The following ATP13A4 variants were observed in gnomAD, a reference collection of about 807,000 sequenced individuals.
The protein encoded by ATP13A4 is ATPase 13A4, also known as probable cation-transporting ATPase 13A4.
Under a neutral mutation model 142.5 loss-of-function variants are expected in ATP13A4, and 114 were observed. That is an observed-to-expected ratio of 0.80 (90% CI 0.69 to 0.93). ATP13A4 has a LOEUF of 0.93. Among genes scored for constraint, ATP13A4 ranks in the 40% least tolerant of loss-of-function variants. The pLI, the probability that ATP13A4 is intolerant of heterozygous loss-of-function variation, is 0.00. For synonymous variants in ATP13A4, 488 were observed against 514.8 expected, an observed-to-expected ratio of 0.95 and a Z score of 0.70; for missense variants, 1,392 against 1,454.0, an observed-to-expected ratio of 0.96 and a Z score of 0.69.
At chr3:193,464,569 T>G (rs1028827611) in intron 12 of ATP13A4, among the ~76,000 whole-genome samples, 1 of 152,212 alleles carries the variant, frequency 6.6e-6, no homozygotes, top group Non-Finnish European at 1.5e-5. Flanking sequence ...TATTGCACAC[T>G]AACTATATGC....
intron 3 of ATP13A4, among the ~76,000 whole-genome samples, chr3:193,495,379 G>A (rs546325591): frequency 6.6e-6 from 1 of 152,188 alleles, no homozygotes; most frequent in Non-Finnish European, 1.5e-5. Flanking sequence ...ACATTAAAAA[G>A]ATCATTCACC....
chr3:193,414,331 T>C (rs1324148481), intron 26 of ATP13A4, among the ~76,000 whole-genome samples: 2 of 152,196 alleles, frequency 1.3e-5, no homozygotes, highest in African/African-American at 4.8e-5. Context: ...TCACCCTAGA[T>C]ATCAAAGATG....
chr3:193,590,252 G>A (rs894916605), intron 1 of ATP13A4, among the ~76,000 whole-genome samples: 2 of 152,210 alleles, frequency 1.3e-5, no homozygotes, highest in African/African-American at 4.8e-5. Flanking sequence ...GGGAATGGAT[G>A]CTGCTGATTG....
Position 193,568,527 on chromosome 3 carries a change from T to G in ATP13A4, n.291+13180A>C, listed in dbSNP as rs572033049. Among the ~76,000 whole-genome samples the G allele has an allele frequency of 9.8e-5, 15 of 152,342 alleles. No homozygotes were observed. The South Asian group carries it at 2.9e-3, about 29-fold the overall frequency. ...AGAGCATGTGCGAGGCTGTGAAGGTTGTTCACCTACAAAATAGGACTAATA... is the reference window on the plus strand; with the variant it reads ...AGAGCATGTGCGAGGCTGTGAAGGTGGTTCACCTACAAAATAGGACTAATA... On this transcript the variant is annotated intron_variant and non_coding_transcript_variant, in intron 2 of 3. Coordinates refer to the ATP13A4 transcript ENST00000489140.
At chr3:193,532,230 T>C (rs1224805289) in intron 1 of ATP13A4, among the ~76,000 whole-genome samples, 1 of 151,968 alleles carries the variant, frequency 6.6e-6, no homozygotes, top group African/African-American at 2.4e-5. Flanking sequence ...ATGCTTCTTC[T>C]TTCAAATAGC....
intron 21 of ATP13A4, among the ~76,000 whole-genome samples, chr3:193,439,807 C>T (rs1172297693): frequency 2.0e-5 from 3 of 152,168 alleles, no homozygotes; most frequent in Non-Finnish European, 2.9e-5. Flanking sequence ...AACTCGTTGA[C>T]TCTCTAGGTT....
chr3:193,548,290 A>G (rs560220312), intron 1 of ATP13A4, among the ~76,000 whole-genome samples: 1 of 152,316 alleles, frequency 6.6e-6, no homozygotes, highest in African/African-American at 2.4e-5. Context: ...CAATTACGCT[A>G]TCATGCCCGG....
chr3:193,471,090 A>C, intron 8 of ATP13A4, 97 bp from the exon 9 acceptor site: 1 of 1,541,150 alleles, frequency 6.5e-7, no homozygotes, highest in Non-Finnish European at 9.0e-7. Context: ...AAAGCAACCA[A>C]GACATTTTTT....
At chr3:193,572,038 G>A (rs891813914) in intron 2 of ATP13A4, among the ~76,000 whole-genome samples, 2 of 152,086 alleles carry the variant, frequency 1.3e-5, no homozygotes, top group African/African-American at 4.8e-5. Context: ...CTTGGGCCAG[G>A]AGTTCAAGAC....
chr3:193,548,671 G>A (rs1408778582), intron 1 of ATP13A4, among the ~76,000 whole-genome samples: 1 of 152,106 alleles, frequency 6.6e-6, no homozygotes, highest in African/African-American at 2.4e-5. Flanking sequence ...TTTGCTCCCG[G>A]GTGTTAGAGA....
chr3:193,483,800 T>C (rs1719445702), intron 8 of ATP13A4, 136 bp downstream of exon 8: 1 of 827,734 alleles, frequency 1.2e-6, no homozygotes, highest in African/African-American at 1.7e-5. Flanking sequence ...AAACTTAAGT[T>C]CCTCATCCCT....
chr3:193,517,568 C>T (rs1029885362), intron 1 of ATP13A4, among the ~76,000 whole-genome samples: 1 of 152,210 alleles, frequency 6.6e-6, no homozygotes, highest in Non-Finnish European at 1.5e-5. Flanking sequence ...GCAAGCTCCG[C>T]CTCCCGGGTT....
At chr3:193,545,991 G>T (rs995801800) in intron 1 of ATP13A4, among the ~76,000 whole-genome samples, 10 of 56,710 alleles carry the variant, frequency 1.8e-4, no homozygotes, top group African/African-American at 5.0e-4. Context: ...GTGTGTGTGT[G>T]TGTGTGTGTG....
chr3:193,582,971 T>C (rs1577090309), intron 1 of ATP13A4, among the ~76,000 whole-genome samples: 1 of 83,784 alleles, frequency 1.2e-5, no homozygotes. Context: ...ATATAAAATA[T>C]ATATATGTAT....
At chr3:193,565,971 C>G (rs548243820) in intron 2 of ATP13A4, among the ~76,000 whole-genome samples, 22 of 152,256 alleles carry the variant, frequency 1.4e-4, no homozygotes, top group Admixed American at 3.3e-4. Context: ...TTCTGCTCAG[C>G]ACAGAGTTAA....
chr3:193,491,894 T>C (rs932774097), intron 5 of ATP13A4, among the ~76,000 whole-genome samples: 2 of 152,210 alleles, frequency 1.3e-5, no homozygotes, highest in Non-Finnish European at 2.9e-5. Flanking sequence ...CAAAAATAGC[T>C]CTACACACAT....
chr3:193,451,375 T>A (rs1448867301), intron 17 of ATP13A4, among the ~76,000 whole-genome samples: 1 of 152,232 alleles, frequency 6.6e-6, no homozygotes, highest in Admixed American at 6.5e-5. Flanking sequence ...ATGGCCTTTG[T>A]ATGGTTCAAG....
At position 193,438,487 on chromosome 3, in the gene ATP13A4, G is replaced by T; in HGVS notation, c.2660C>A (p.Pro887His). The change falls in exon 23 of 30, where the codon CCT becomes CAT. Residue 887 changes from proline to histidine, a missense_variant. Pro to His is a moderately conservative substitution (Grantham distance 77). Transcript: ENST00000342695. The part of the protein sequence containing the change: ...TSKTPNIECV[P>H]HLIKEGRAAL... ...AGTGCCTACTTACTTGATAAGGTGA[G>T]GTACGCACTCAATGTTTGGAGTTTT... 6.2e-7 allele frequency: 1 copy of T among 1,611,148 alleles called. No homozygotes were observed. The highest frequency in any genetic ancestry group is 8.5e-7 in the Non-Finnish European group (1 of 1,177,264).
chr3:193,563,069 G>A (rs899029501), intron 2 of ATP13A4, among the ~76,000 whole-genome samples: 7 of 151,998 alleles, frequency 4.6e-5, no homozygotes, highest in Non-Finnish European at 8.8e-5. Context: ...GCCCAGTCTC[G>A]TGTCAGACAA....
Sources: allele counts gnomAD v4.1 joint callset (sites outside exome capture counted in the v4.1 genomes callset), GRCh38; gene constraint gnomAD v4.1.1; transcripts MANE v1.5; gene names NCBI Gene and HGNC (gene_info 2026-07-23, HGNC 2026-07-21).